Variants in EYA2 observed in about 807,000 individuals in gnomAD.
EYA2 encodes EYA transcriptional coactivator and phosphatase 2.
A neutral mutation model predicts 69.2 loss-of-function variants in EYA2; 31 were observed. The ratio of observed to expected loss-of-function variants is 0.45; its 90% CI spans 0.34 to 0.60. The LOEUF is 0.60. Ranked by LOEUF, EYA2 falls within the 20% of genes least tolerant of loss-of-function variation. EYA2 has a pLI of 0.02. For synonymous variants in EYA2, 257 were observed against 279.4 expected (o/e 0.92, Z 0.80); for missense variants, 622 against 701.2 (o/e 0.89, Z 1.28).
chr20:46,903,597 T>C (rs1984219165), intron 1 of EYA2, among the ~76,000 whole-genome samples: 1 of 152,160 alleles, frequency 6.6e-6, no homozygotes. Flanking sequence ...TGCGTTTAAC[T>C]TGGGGGTAAG....
chr20:47,038,189 G>A (rs576347706), intron 5 of EYA2, among the ~76,000 whole-genome samples: 15 of 152,118 alleles, frequency 9.9e-5, no homozygotes, highest in Non-Finnish European at 2.1e-4. Context: ...AGGTAGGGGT[G>A]GGGCGGTCAG....
intron 12 of EYA2, among the ~76,000 whole-genome samples, chr20:47,174,112 C>G (rs1442147582): frequency 6.6e-6 from 1 of 152,198 alleles, no homozygotes; most frequent in Non-Finnish European, 1.5e-5. Flanking sequence ...TCCTGGTTGC[C>G]ACAGTGCCTG....
intron 4 of EYA2, among the ~76,000 whole-genome samples, chr20:47,008,303 G>GA (rs1379505903): frequency 6.6e-6 from 1 of 152,198 alleles, no homozygotes; most frequent in East Asian, 1.9e-4. Context: ...ACTTACCCAA[G>GA]GTCACCCAGC....
At chr20:47,118,304 A>G (rs1427403547) in intron 9 of EYA2, among the ~76,000 whole-genome samples, 1 of 152,208 alleles carries the variant, frequency 6.6e-6, no homozygotes, top group Non-Finnish European at 1.5e-5. Flanking sequence ...AGAAAGGATG[A>G]CTTTGATTGG....
chr20:46,929,362 C>T (rs1048541179), intron 1 of EYA2, among the ~76,000 whole-genome samples: 8 of 151,256 alleles, frequency 5.3e-5, no homozygotes, highest in African/African-American at 1.7e-4. Flanking sequence ...ATGGATGAGT[C>T]CCTAGTAACA....
chr20:47,148,251 T>C (rs974686642), intron 10 of EYA2, among the ~76,000 whole-genome samples: 1 of 152,006 alleles, frequency 6.6e-6, no homozygotes, highest in African/African-American at 2.4e-5. Context: ...TGAGCCTCAG[T>C]TTGCTCATCT....
intron 5 of EYA2, among the ~76,000 whole-genome samples, chr20:47,027,345 G>A (rs1984152075): frequency 6.6e-6 from 1 of 152,228 alleles, no homozygotes; most frequent in African/African-American, 2.4e-5. Flanking sequence ...CCTATGGGTT[G>A]TTGGACTGAG....
At chr20:47,181,316 C>T (rs2034533443) in intron 14 of EYA2, among the ~76,000 whole-genome samples, 1 of 152,188 alleles carries the variant, frequency 6.6e-6, no homozygotes, top group Non-Finnish European at 1.5e-5. Context: ...ACCCAGGTCT[C>T]TCCCGTTTTA....
At chr20:46,900,496 A>G (rs1269930254) in intron 1 of EYA2, among the ~76,000 whole-genome samples, 3 of 152,222 alleles carry the variant, frequency 2.0e-5, no homozygotes, top group African/African-American at 7.2e-5. Context: ...TTTCATGGTA[A>G]GATGTGGGTT....
intron 10 of EYA2, among the ~76,000 whole-genome samples, chr20:47,145,473 C>T (rs2033681417): frequency 6.6e-6 from 1 of 152,200 alleles, no homozygotes; most frequent in Admixed American, 6.5e-5. Flanking sequence ...GGAGATATTA[C>T]AGCAATCGAA....
At chr20:46,950,632 G>T (rs1383958616) in intron 1 of EYA2, among the ~76,000 whole-genome samples, 2 of 152,216 alleles carry the variant, frequency 1.3e-5, no homozygotes, top group Non-Finnish European at 2.9e-5. Flanking sequence ...GAAGGCGGAG[G>T]TCGTACTCAA....
intron 1 of EYA2, among the ~76,000 whole-genome samples, chr20:46,936,210 G>A (rs761159994): frequency 7.9e-5 from 12 of 152,178 alleles, no homozygotes; most frequent in Non-Finnish European, 1.3e-4. Context: ...AGTGGTTCAC[G>A]CCTATAATCC....
intron 9 of EYA2, among the ~76,000 whole-genome samples, chr20:47,118,377 G>T (rs1344367248): frequency 6.6e-6 from 1 of 151,930 alleles, no homozygotes; most frequent in East Asian, 1.9e-4. Flanking sequence ...GACCTCACTA[G>T]TCACTCTGTC....
At chr20:47,053,279 A>T (rs952732679) in intron 5 of EYA2, among the ~76,000 whole-genome samples, 2 of 152,246 alleles carry the variant, frequency 1.3e-5, no homozygotes, top group Non-Finnish European at 2.9e-5. Flanking sequence ...CAAGTTTCTC[A>T]GCAAGAAAGA....
intron 5 of EYA2, among the ~76,000 whole-genome samples, chr20:47,025,642 G>A (rs1408358702): frequency 6.6e-6 from 1 of 152,090 alleles, no homozygotes; most frequent in Non-Finnish European, 1.5e-5. Context: ...ACCCCTATAT[G>A]TATATTATTT....
chr20:46,903,620 T>A lies in EYA2; in HGVS notation c.-11+8633T>A, dbSNP rs554033197. 2.0e-5 allele frequency among the ~76,000 whole-genome samples: 3 copies of A among 152,262 alleles called. No homozygotes were observed. The South Asian group carries it at 6.2e-4, about 32-fold the overall frequency. On this transcript the variant is annotated intron_variant, in intron 1 of 15. Transcript: ENST00000327619. Reference sequence around the variant, plus strand: ...ACTTGGGGGTAAGTTACCAGACTTTTCGGTGCCTCAGTTTCTTCGTCTGTA... The same window carrying A: ...ACTTGGGGGTAAGTTACCAGACTTTACGGTGCCTCAGTTTCTTCGTCTGTA...
intron 1 of EYA2, among the ~76,000 whole-genome samples, chr20:46,953,609 C>T (rs1234833841): frequency 6.6e-6 from 1 of 152,050 alleles, no homozygotes; most frequent in Non-Finnish European, 1.5e-5. Context: ...CTGTCCTGTG[C>T]CTTGTAGGAT....
chr20:46,929,248 G>A (rs925808875), intron 1 of EYA2, among the ~76,000 whole-genome samples: 11 of 151,960 alleles, frequency 7.2e-5, no homozygotes, highest in African/African-American at 2.4e-4. Context: ...AACTTTGGAA[G>A]GATTTAAACT....
intron 1 of EYA2, among the ~76,000 whole-genome samples, chr20:46,903,811 A>T (rs1984229272): frequency 6.6e-6 from 1 of 151,402 alleles, no homozygotes; most frequent in Admixed American, 6.6e-5. Context: ...AATTACTTAG[A>T]CTCTTTGGGA....
Sources: gnomAD v4.1 joint callset for allele counts (sites outside exome capture counted in the v4.1 genomes callset) on GRCh38, gnomAD v4.1.1 for gene constraint, MANE v1.5 for transcripts, NCBI Gene and HGNC (gene_info 2026-07-23, HGNC 2026-07-21) for gene names.